ZNF536: variants seen among roughly 807,000 people sequenced by gnomAD.
ZNF536 encodes the protein zinc finger protein 536.
ZNF536 carries 13 observed loss-of-function variants against 84.5 expected under a neutral mutation model. That is an observed-to-expected ratio of 0.15 (90% CI 0.10 to 0.24). The LOEUF is 0.24. Ranked by LOEUF, ZNF536 falls within the 10% of genes least tolerant of loss-of-function variation. The pLI is 1.00. For synonymous variants in ZNF536, 811 were observed against 742.5 expected (o/e 1.09, Z -1.50); for missense variants, 1,536 against 1,747.5 (o/e 0.88, Z 2.16).
intron 2 of ZNF536, among the ~76,000 whole-genome samples, chr19:30,461,375 G>A (rs953474688): frequency 4.6e-5 from 7 of 152,192 alleles, no homozygotes; most frequent in Non-Finnish European, 1.0e-4. Context: ...GGTAGGACAG[G>A]CTGCAGGGAG....
intron 1 of ZNF536, among the ~76,000 whole-genome samples, chr19:30,424,621 CAA>C: frequency 6.7e-6 from 1 of 148,982 alleles, no homozygotes; most frequent in African/African-American, 2.5e-5. Flanking sequence ...AGGATGGATG[CAA>C]AAAAAAATAA....
chr19:30,231,455 C>G (rs10405976), intron 1 of ZNF536, among the ~76,000 whole-genome samples: 16,902 of 152,238 alleles, frequency 0.11, 1,545 homozygotes, highest in African/African-American at 0.25. Flanking sequence ...ACCTGCTGTG[C>G]ACACTGGCAC....
upstream of ZNF536, among the ~76,000 whole-genome samples, chr19:30,225,672 T>C (rs1195051447): frequency 1.6e-5 from 2 of 125,784 alleles, no homozygotes; most frequent in Non-Finnish European, 3.2e-5. Flanking sequence ...ATGTTTAAGG[T>C]AAGGAAAACA....
At chr19:30,509,845 G>A (rs2055337912) in intron 2 of ZNF536, among the ~76,000 whole-genome samples, 2 of 152,244 alleles carry the variant, frequency 1.3e-5, no homozygotes, top group Non-Finnish European at 2.9e-5. Context: ...GGAAGAAGCA[G>A]AAGTTGGTGG....
intron 2 of ZNF536, among the ~76,000 whole-genome samples, chr19:30,298,117 A>T (rs1484180121): frequency 6.6e-6 from 1 of 152,030 alleles, no homozygotes; most frequent in East Asian, 1.9e-4. Context: ...TGGCCTTGTG[A>T]TCAGCCCGTC....
intron 1 of ZNF536, among the ~76,000 whole-genome samples, chr19:30,683,925 C>A (rs990098304): frequency 6.6e-6 from 1 of 152,194 alleles, no homozygotes; most frequent in African/African-American, 2.4e-5. Flanking sequence ...CTTTATTCAT[C>A]AATCAGTTAA....
chr19:30,509,071 G>A (rs1332814786), intron 2 of ZNF536, among the ~76,000 whole-genome samples: 1 of 150,672 alleles, frequency 6.6e-6, no homozygotes, highest in Non-Finnish European at 1.5e-5. Context: ...CCGGGCTTGA[G>A]TGATCATCCT....
chr19:30,527,904 G>C (rs1443915276), intron 2 of ZNF536, among the ~76,000 whole-genome samples: 1 of 152,136 alleles, frequency 6.6e-6, no homozygotes, highest in Non-Finnish European at 1.5e-5. Flanking sequence ...AGAAAGATGT[G>C]ATTTTTTTGT....
intron 2 of ZNF536, among the ~76,000 whole-genome samples, chr19:30,482,596 C>G (rs2054134437): frequency 6.6e-6 from 1 of 151,716 alleles, no homozygotes; most frequent in South Asian, 2.1e-4. Flanking sequence ...AGAACTAAAT[C>G]TAGAGTTTTA....
At chr19:30,280,512 G>A (rs1380750950) in intron 1 of ZNF536, among the ~76,000 whole-genome samples, 1 of 152,180 alleles carries the variant, frequency 6.6e-6, no homozygotes, top group Admixed American at 6.5e-5. Flanking sequence ...ATGTGCCCGG[G>A]GTTTGCTGTG....
At chr19:30,420,684 GAA>G (rs1337752107) in intron 1 of ZNF536, among the ~76,000 whole-genome samples, 1 of 149,456 alleles carries the variant, frequency 6.7e-6, no homozygotes, top group Non-Finnish European at 1.5e-5. Context: ...GCCCTCTGAG[GAA>G]AAAAAAAGTG....
intron 3 of ZNF536, among the ~76,000 whole-genome samples, chr19:30,355,358 C>T (rs1478213853): frequency 6.6e-6 from 1 of 152,090 alleles, no homozygotes; most frequent in Non-Finnish European, 1.5e-5. Context: ...TGTTAAACCA[C>T]TCACGAGGCA....
In ZNF536 at chr19:30,307,531, T is replaced by C. The variant is rs1303367696; in HGVS notation, c.-120+23390T>C. Among the ~76,000 whole-genome samples the C allele has an allele frequency of 2.0e-5, 3 of 151,976 alleles. No homozygotes were observed. The East Asian group carries it at 5.8e-4, about 29-fold the overall frequency. On this transcript the variant is annotated intron_variant, in intron 2 of 5. Transcript: ENST00000585628. Reference sequence around the variant, plus strand: ...ACAGAGGGTATGAGGAAGATGTGCCTTTTTTTTCCTCTGTTCCTGGTCTGC... The same window carrying C: ...ACAGAGGGTATGAGGAAGATGTGCCCTTTTTTTCCTCTGTTCCTGGTCTGC...
At chr19:30,259,354 C>G (rs544080966) in intron 1 of ZNF536, among the ~76,000 whole-genome samples, 1 of 152,276 alleles carries the variant, frequency 6.6e-6, no homozygotes, top group South Asian at 2.1e-4. Context: ...CTTTCCCTTA[C>G]AGAAAAAGAA....
chr19:30,435,676 C>T (rs1188007727), intron 1 of ZNF536, among the ~76,000 whole-genome samples: 1 of 152,070 alleles, frequency 6.6e-6, no homozygotes, highest in East Asian at 1.9e-4. Flanking sequence ...TTAACAACTA[C>T]CCCATGTGAA....
Position 30,236,529 on chromosome 19 carries a change from C to CGGG in ZNF536, c.-190+7864_-190+7866dup, listed in dbSNP as rs145207327. Among the ~76,000 whole-genome samples, 242 of 117,658 alleles carry CGGG rather than the reference C, an allele frequency of 2.1e-3. 4 individuals are homozygous for CGGG. Among genetic ancestry groups the CGGG allele is most frequent in the African/African-American group, 6.8e-3 (225 of 32,960 alleles). 77.2% of individuals were successfully genotyped at this position (117,658 alleles called of 152,430 possible). A position where few individuals can be genotyped will look rare whatever the true frequency, so the allele number is the denominator to read the frequency against. On this transcript the variant is annotated intron_variant, in intron 1 of 5. Coordinates refer to the ZNF536 transcript ENST00000585628. ...GAAAAAGCTTTTGTTAAAGTTGGGG[C>CGGG]GGGGGGGGGGTACAATTGGAATTTT...
chr19:30,310,885 C>T (rs971313767), intron 2 of ZNF536, among the ~76,000 whole-genome samples: 39 of 152,314 alleles, frequency 2.6e-4, no homozygotes, highest in African/African-American at 8.4e-4. Flanking sequence ...TGGGCTGTGG[C>T]GGAGGGCTAC....
At position 30,279,018 on chromosome 19, in the gene ZNF536, G is replaced by A. The variant is rs997699384; in HGVS notation, c.-189-5054G>A. 4.6e-5 allele frequency among the ~76,000 whole-genome samples: 7 copies of A among 152,130 alleles called. No homozygotes were observed. The East Asian group carries it at 1.2e-3, about 25-fold the overall frequency. ...CCCAGGCCGCAGGGAATGTCTCAGC[G>A]CTCCTTGAATGCACCATCTCCATCC... On this transcript the variant is annotated intron_variant, in intron 1 of 5. Coordinates refer to the ZNF536 transcript ENST00000585628.
chr19:30,604,245 A>G (rs2047793950), intron 1 of ZNF536, among the ~76,000 whole-genome samples: 1 of 152,224 alleles, frequency 6.6e-6, no homozygotes, highest in Admixed American at 6.5e-5. Context: ...CTGTGAATAC[A>G]CATGGATGGC....
Sources: allele counts gnomAD v4.1 joint callset (sites outside exome capture counted in the v4.1 genomes callset), GRCh38; gene constraint gnomAD v4.1.1; transcripts MANE v1.5; gene names NCBI Gene and HGNC (gene_info 2026-07-23, HGNC 2026-07-21).